The following CSTPP1 variants were observed in gnomAD, a reference collection of about 807,000 sequenced individuals.
CSTPP1 encodes the protein centriolar satellite-associated tubulin polyglutamylase complex regulator 1.
At chr11:47,136,251 C>T in the CSTPP1 span, among the ~76,000 whole-genome samples, 1 of 152,296 alleles carries the variant, frequency 6.6e-6, no homozygotes, top group South Asian at 2.1e-4. Flanking sequence ...AGTGGGAACA[C>T]ATTAGACTCA....
chr11:47,056,067 G>C, the CSTPP1 span, among the ~76,000 whole-genome samples: 1 of 152,178 alleles, frequency 6.6e-6, no homozygotes, highest in African/African-American at 2.4e-5. Context: ...CTCAGTCTAT[G>C]CAGGGATTGG....
the CSTPP1 span, chr11:47,155,548 A>G: frequency 2.0e-6 from 1 of 501,016 alleles, no homozygotes. Context: ...AACAACATCC[A>G]TAGCATCCAC....
At chr11:47,157,201 T>C in the CSTPP1 span, 2 of 1,593,308 alleles carry the variant, frequency 1.3e-6, no homozygotes, top group African/African-American at 1.3e-5. Context: ...AAAACCTGTG[T>C]GATCGGCACA....
the CSTPP1 span, among the ~76,000 whole-genome samples, chr11:47,082,149 CAAAA>C: frequency 2.4e-5 from 2 of 83,258 alleles, no homozygotes; most frequent in Admixed American, 1.2e-4. Flanking sequence ...GACCCTGTCT[CAAAA>C]AAAAAAAAAA....
At chr11:47,013,846 T>C in the CSTPP1 span, among the ~76,000 whole-genome samples, 1 of 152,226 alleles carries the variant, frequency 6.6e-6, no homozygotes, top group African/African-American at 2.4e-5. Context: ...CTAATTTACA[T>C]TCCCACCAAC....
At chr11:46,965,348 C>T in the CSTPP1 span, among the ~76,000 whole-genome samples, 5 of 151,314 alleles carry the variant, frequency 3.3e-5, no homozygotes, top group Non-Finnish European at 7.4e-5. Context: ...CCTCAGCCTC[C>T]TGAGTAGCTG....
At chr11:46,950,746 G>T in the CSTPP1 span, among the ~76,000 whole-genome samples, 1 of 152,020 alleles carries the variant, frequency 6.6e-6, no homozygotes, top group Admixed American at 6.6e-5. Flanking sequence ...CGAGTAGCTG[G>T]GATTATAGGC....
At chr11:47,159,772 G>C in the CSTPP1 span, 2 of 451,726 alleles carry the variant, frequency 4.4e-6, no homozygotes. Context: ...TTGGGAGGCC[G>C]AGGCGGCGGA....
chr11:47,120,968 A>G, the CSTPP1 span, among the ~76,000 whole-genome samples: 4 of 152,310 alleles, frequency 2.6e-5, no homozygotes, highest in East Asian at 7.7e-4. This position sits in a 1 kb window ranked among gnomAD's most constrained non-coding sequence, Gnocchi z 4.2. Context: ...GTTGTTTTTA[A>G]TATAACTTAC....
At chr11:47,097,051 G>A in the CSTPP1 span, among the ~76,000 whole-genome samples, 1 of 147,880 alleles carries the variant, frequency 6.8e-6, no homozygotes, top group East Asian at 2.1e-4. Context: ...GGAGGGAGAT[G>A]GGGGGTCAGC....
chr11:47,080,365 G>T, the CSTPP1 span, among the ~76,000 whole-genome samples: 1 of 152,000 alleles, frequency 6.6e-6, no homozygotes, highest in South Asian at 2.1e-4. Context: ...TGAGGTAGGA[G>T]AATTGCTTGA....
At chr11:47,008,601 A>G in the CSTPP1 span, among the ~76,000 whole-genome samples, 290 of 152,140 alleles carry the variant, frequency 1.9e-3, 2 homozygotes, top group African/African-American at 6.5e-3. Context: ...TCAGCCTCCT[A>G]AAGTGCTGGG....
the CSTPP1 span, among the ~76,000 whole-genome samples, chr11:47,033,353 C>A: frequency 6.6e-6 from 1 of 152,166 alleles, no homozygotes; most frequent in African/African-American, 2.4e-5. Flanking sequence ...CAAAAGCAGT[C>A]TTGAATAGTT....
chr11:47,081,736 G>C, the CSTPP1 span, among the ~76,000 whole-genome samples: 4 of 152,120 alleles, frequency 2.6e-5, no homozygotes, highest in Non-Finnish European at 2.9e-5. Flanking sequence ...GCCATGTTAA[G>C]AATATGATAT....
At chr11:46,971,506 TAACTC>T in the CSTPP1 span, among the ~76,000 whole-genome samples, 1 of 152,200 alleles carries the variant, frequency 6.6e-6, no homozygotes, top group African/African-American at 2.4e-5. Context: ...CCTAAGGAAG[TAACTC>T]AAAAGAGAAA....
the CSTPP1 span, among the ~76,000 whole-genome samples, chr11:47,060,385 A>G: frequency 6.7e-6 from 1 of 150,042 alleles, no homozygotes; most frequent in African/African-American, 2.5e-5. Context: ...ATACAAGCAC[A>G]TACCACCACA....
the CSTPP1 span, among the ~76,000 whole-genome samples, chr11:46,975,365 T>C: frequency 5.9e-5 from 9 of 152,330 alleles, no homozygotes; most frequent in Middle Eastern, 6.8e-3. Context: ...TGGAGACATT[T>C]TTTAAGCTCA....
chr11:46,974,389 G>A, the CSTPP1 span, among the ~76,000 whole-genome samples: 5 of 151,576 alleles, frequency 3.3e-5, no homozygotes, highest in Admixed American at 6.6e-5. Context: ...TTATCCAGGC[G>A]TGGTGCCAGG....
chr11:47,020,654 C>G, the CSTPP1 span, among the ~76,000 whole-genome samples: 2 of 152,178 alleles, frequency 1.3e-5, no homozygotes, highest in African/African-American at 2.4e-5. Flanking sequence ...AGAATTTAGT[C>G]ATAAACAACT....
Sources: gnomAD v4.1 joint callset for allele counts (sites outside exome capture counted in the v4.1 genomes callset) on GRCh38, gnomAD v4.1.1 for gene constraint, Gnocchi (gnomAD v3.1) non-coding constraint, MANE v1.5 for transcripts, NCBI Gene and HGNC (gene_info 2026-07-23, HGNC 2026-07-21) for gene names.